The following SCUBE1 variants were observed in gnomAD, a reference collection of about 807,000 sequenced individuals.
SCUBE1 encodes the protein signal peptide, CUB domain and EGF like domain containing 1, also known as signal peptide, CUB and EGF-like domain-containing protein 1.
Under a neutral mutation model 124.4 loss-of-function variants are expected in SCUBE1, and 59 were observed. That is an observed-to-expected ratio of 0.47 (90% CI 0.38 to 0.59). SCUBE1 has a LOEUF of 0.59. Ranked by LOEUF, SCUBE1 falls within the 20% of genes least tolerant of loss-of-function variation. The pLI is 0.00. For missense variants in SCUBE1, 1,150 were observed against 1,371.2 expected (o/e 0.84, Z 2.55); for synonymous variants, 545 against 550.9 (o/e 0.99, Z 0.15).
chr22:43,231,049 T>C (rs1437307020), intron 8 of SCUBE1, among the ~76,000 whole-genome samples: 1 of 152,142 alleles, frequency 6.6e-6, no homozygotes, highest in Non-Finnish European at 1.5e-5. Context: ...CTGCACTTTC[T>C]CCCAGTGTGG....
At chr22:43,227,961 C>G (rs960457949) in intron 9 of SCUBE1, among the ~76,000 whole-genome samples, 1 of 152,180 alleles carries the variant, frequency 6.6e-6, no homozygotes, top group Non-Finnish European at 1.5e-5. Flanking sequence ...CAAAAGCACC[C>G]GCTGAAGCTG....
At position 43,218,462 on chromosome 22, in the gene SCUBE1, C is replaced by T. The variant is rs374866732; in HGVS notation, c.1688-4G>A. The T allele has an allele frequency of 5.6e-6, 9 of 1,609,300 alleles. No individual in the cohort carries two copies. The highest frequency in any genetic ancestry group is 1.3e-5 in the African/African-American group (1 of 75,072). On this transcript the variant is annotated splice_polypyrimidine_tract_variant and splice_region_variant and intron_variant, in intron 14 of 21. Coordinates refer to ENST00000360835, the MANE Select transcript of SCUBE1 (RefSeq NM_173050.5). ...AAGCAGTCCGCTTCGCATGTGTCTGCAGGGGCAGGAGAGACAGAACATGAA... is the reference window on the plus strand; with the variant it reads ...AAGCAGTCCGCTTCGCATGTGTCTGTAGGGGCAGGAGAGACAGAACATGAA...
intron 3 of SCUBE1, among the ~76,000 whole-genome samples, chr22:43,301,970 G>C (rs1925789688): frequency 6.6e-6 from 1 of 152,226 alleles, no homozygotes; most frequent in African/African-American, 2.4e-5. Context: ...GCTGCCATGA[G>C]GCCCTGCAGC....
intron 9 of SCUBE1, among the ~76,000 whole-genome samples, chr22:43,227,959 C>A (rs576285417): frequency 7.9e-5 from 12 of 152,310 alleles, no homozygotes; most frequent in Admixed American, 5.2e-4. Flanking sequence ...ACCAAAAGCA[C>A]CCGCTGAAGC....
At chr22:43,212,732 G>T in intron 16 of SCUBE1, 140 bp from the exon 17 acceptor site, 1 of 797,244 alleles carries the variant, frequency 1.3e-6, no homozygotes. Flanking sequence ...TGGGGACGGG[G>T]TGGGGAAAAC....
At position 43,201,724 on chromosome 22, in the gene SCUBE1, G is replaced by C. The variant is rs1569492539; in HGVS notation, c.*2273C>G. On this transcript the variant is annotated 3_prime_UTR_variant, in exon 22 of 22. Coordinates refer to ENST00000360835, the MANE Select transcript of SCUBE1 (RefSeq NM_173050.5). ...TCGCAGACAGCCGATCGTGGGACTTGTTGGCCTCCAGAATCTGTGAGCCAG... is the reference window on the plus strand; with the variant it reads ...TCGCAGACAGCCGATCGTGGGACTTCTTGGCCTCCAGAATCTGTGAGCCAG... The C allele has an allele frequency of 6.6e-6, 1 of 152,182 alleles. No homozygotes were observed. The highest frequency in any genetic ancestry group is 1.5e-5 in the Non-Finnish European group (1 of 68,064). The allele number at this position is 152,182 out of a possible 1,614,324, so 9.4% of individuals were successfully genotyped here. A position where few individuals can be genotyped will look rare whatever the true frequency, so the allele number is the denominator to read the frequency against.
chr22:43,208,824 T>C (rs960176193), intron 19 of SCUBE1, among the ~76,000 whole-genome samples: 2 of 152,170 alleles, frequency 1.3e-5, no homozygotes, highest in Admixed American at 1.3e-4. Context: ...CTGCAAACCA[T>C]CCTTTTCTCA....
chr22:43,237,078 G>C (rs867525462), intron 7 of SCUBE1, among the ~76,000 whole-genome samples: 66 of 144,690 alleles, frequency 4.6e-4, no homozygotes, highest in African/African-American at 1.2e-3. Flanking sequence ...GGCCCCGACC[G>C]CTTGAAGAGC....
chr22:43,204,220 G>A (rs538026823), intron 21 of SCUBE1, 71 bp from the exon 22 acceptor site: 3 of 1,435,548 alleles, frequency 2.1e-6, no homozygotes, highest in African/African-American at 2.8e-5. Flanking sequence ...TTGCCAGGCT[G>A]GGGGAGGGGA....
intron 3 of SCUBE1, among the ~76,000 whole-genome samples, chr22:43,294,025 A>T (rs1925469281): frequency 6.6e-6 from 1 of 151,852 alleles, no homozygotes; most frequent in Non-Finnish European, 1.5e-5. Flanking sequence ...AGGGCTGTTT[A>T]CTCTACTAGG....
rs78664824 is a variant in SCUBE1, at chr22:43,303,117, G to A, written c.350-11937C>T. ...TCCATTTCCCAGCCTCGGTACCGTC[G>A]GAATTCTAACCTTCAGGGACTAATT... On this transcript the variant is annotated intron_variant, in intron 3 of 21. Transcript: ENST00000360835. Among the ~76,000 whole-genome samples the A allele has an allele frequency of 5.2e-3, 787 of 152,346 alleles. 4 individuals carry two copies. The highest frequency in any genetic ancestry group is 8.5e-3 in the Non-Finnish European group (577 of 68,034).
chr22:43,208,327 C>T (rs1019904432), intron 19 of SCUBE1, 103 bp from the exon 20 acceptor site: 132 of 1,064,670 alleles, frequency 1.2e-4, no homozygotes, highest in South Asian at 1.5e-4. Context: ...CTGCACCGAA[C>T]GCCTGGTCCC....
At chr22:43,300,110 A>T (rs1925713408) in intron 3 of SCUBE1, among the ~76,000 whole-genome samples, 1 of 152,124 alleles carries the variant, frequency 6.6e-6, no homozygotes, top group Admixed American at 6.5e-5. Flanking sequence ...TCGTGGGGGT[A>T]TACGCCTTCA....
chr22:43,251,330 G>A (rs918336107), intron 6 of SCUBE1, among the ~76,000 whole-genome samples: 3 of 152,192 alleles, frequency 2.0e-5, no homozygotes, highest in Admixed American at 6.5e-5. Context: ...CTGCCCTAAC[G>A]GAGGGTTCCT....
intron 2 of SCUBE1, among the ~76,000 whole-genome samples, chr22:43,337,406 G>A (rs537659397): frequency 2.0e-5 from 3 of 152,230 alleles, no homozygotes; most frequent in Admixed American, 6.5e-5. Flanking sequence ...CCATGGCCCC[G>A]CCTTTCCGGG....
Position 43,339,636 on chromosome 22 carries a change from C to G in SCUBE1, c.89-401G>C, listed in dbSNP as rs1218865227. Among the ~76,000 whole-genome samples, 71 of 124,616 alleles carry G rather than the reference C, an allele frequency of 5.7e-4. 1 individual carries two copies. The highest frequency in any genetic ancestry group is 2.2e-3 in the African/African-American group (64 of 28,976). 81.8% of individuals were successfully genotyped at this position (124,616 alleles called of 152,430 possible). Reference sequence around the variant, plus strand: ...CTATCCCCTACTCTCCTTACTCTATCCCCCCACAAGCATCACTCCAGCCCT... The same window carrying G: ...CTATCCCCTACTCTCCTTACTCTATGCCCCCACAAGCATCACTCCAGCCCT... On this transcript the variant is annotated intron_variant, in intron 1 of 21. Transcript: ENST00000360835.
chr22:43,249,677 G>A (rs1923362348), intron 6 of SCUBE1, among the ~76,000 whole-genome samples: 1 of 152,222 alleles, frequency 6.6e-6, no homozygotes, highest in South Asian at 2.1e-4. Context: ...TTTGGGGGAC[G>A]GGAAACCCGG....
rs556480329 is a variant in SCUBE1 at position 43,234,120 on chromosome 22, C to T, written c.845-2245G>A. ...GAAGCCCAGCTGTGCTGGTCCAGGG[C>T]GGAGGCTTAGGAATCTCTATCATTC... On this transcript the variant is annotated intron_variant, in intron 7 of 21. Transcript: ENST00000360835. This position sits in a 1 kb window ranked among gnomAD's most constrained non-coding sequence, Gnocchi z 4.4. Among the ~76,000 whole-genome samples the T allele has an allele frequency of 1.9e-4, 29 of 152,040 alleles. No homozygotes were observed. The highest frequency in any genetic ancestry group is 1.0e-4 in the Non-Finnish European group (7 of 67,972).
intron 19 of SCUBE1, among the ~76,000 whole-genome samples, chr22:43,209,758 C>T (rs1273024844): frequency 2.0e-5 from 3 of 152,210 alleles, no homozygotes; most frequent in African/African-American, 4.8e-5. Context: ...GATGAGGGCC[C>T]GGCTCGTGGC....
Sources: allele counts gnomAD v4.1 joint callset (sites outside exome capture counted in the v4.1 genomes callset), GRCh38; gene constraint gnomAD v4.1.1; non-coding constraint Gnocchi (gnomAD v3.1); transcripts MANE v1.5; gene names NCBI Gene and HGNC (gene_info 2026-07-23, HGNC 2026-07-21).